Variants in BRD10 observed in about 807,000 individuals in gnomAD.
BRD10 encodes the protein bromodomain containing 10.
At chr9:5,912,246 T>A in the BRD10 span, among the ~76,000 whole-genome samples, 1 of 152,344 alleles carries the variant, frequency 6.6e-6, no homozygotes, top group East Asian at 1.9e-4. Flanking sequence ...TTTACTGAAT[T>A]TATCAGTTTG....
At chr9:6,002,572 G>C in the BRD10 span, among the ~76,000 whole-genome samples, 1 of 151,782 alleles carries the variant, frequency 6.6e-6, no homozygotes, top group Non-Finnish European at 1.5e-5. Flanking sequence ...AAGCCAGTAA[G>C]AATTCAAATT....
the BRD10 span, among the ~76,000 whole-genome samples, chr9:5,885,277 C>G: frequency 6.6e-6 from 1 of 152,262 alleles, no homozygotes; most frequent in Non-Finnish European, 1.5e-5. Flanking sequence ...CTGGGCACCC[C>G]CTCCGAACTG....
the BRD10 span, among the ~76,000 whole-genome samples, chr9:5,884,482 C>T: frequency 6.6e-6 from 1 of 152,180 alleles, no homozygotes; most frequent in African/African-American, 2.4e-5. Flanking sequence ...GGGCCCTGAG[C>T]CCTAAACCAC....
chr9:5,983,068 T>C, the BRD10 span, among the ~76,000 whole-genome samples: 3 of 152,220 alleles, frequency 2.0e-5, no homozygotes, highest in Non-Finnish European at 4.4e-5. Flanking sequence ...CTGTCCTGGC[T>C]GTGACTTCCT....
the BRD10 span, chr9:5,968,084 T>C: frequency 1.6e-4 from 244 of 1,562,528 alleles, 1 homozygote; most frequent in Non-Finnish European, 1.7e-4. Context: ...GATCTCAGGT[T>C]TGTAAGACTT....
At chr9:5,917,812 C>T in the BRD10 span, among the ~76,000 whole-genome samples, 1 of 152,148 alleles carries the variant, frequency 6.6e-6, no homozygotes, top group African/African-American at 2.4e-5. Context: ...GAGATAGCAC[C>T]ATGGCACTCC....
the BRD10 span, among the ~76,000 whole-genome samples, chr9:5,896,941 AG>A: frequency 2.0e-5 from 3 of 152,208 alleles, no homozygotes; most frequent in Non-Finnish European, 2.9e-5. Context: ...TAGGGAAGGG[AG>A]GGCACGAACA....
chr9:5,902,181 TAATA>T, the BRD10 span, among the ~76,000 whole-genome samples: 1 of 152,212 alleles, frequency 6.6e-6, no homozygotes, highest in African/African-American at 2.4e-5. Flanking sequence ...TCAATTTTTA[TAATA>T]GATATAAATC....
the BRD10 span, among the ~76,000 whole-genome samples, chr9:5,977,972 A>T: frequency 2.0e-5 from 3 of 152,268 alleles, no homozygotes; most frequent in Non-Finnish European, 4.4e-5. Context: ...CATGTTTCTA[A>T]AATACTAGCT....
chr9:5,958,955 T>C, the BRD10 span, among the ~76,000 whole-genome samples: 2 of 152,336 alleles, frequency 1.3e-5, no homozygotes, highest in East Asian at 1.9e-4. Flanking sequence ...CTATCTCAAG[T>C]AAGCAATTTG....
chr9:6,002,511 T>C, the BRD10 span, among the ~76,000 whole-genome samples: 1 of 152,170 alleles, frequency 6.6e-6, no homozygotes, highest in Non-Finnish European at 1.5e-5. Flanking sequence ...ATAAACATTT[T>C]GTTAAAATTT....
At chr9:5,921,874 G>C in the BRD10 span, 3 of 1,613,982 alleles carry the variant, frequency 1.9e-6, no homozygotes, top group Non-Finnish European at 2.5e-6. Context: ...CAGTGGTGTG[G>C]CCTAATGTAA....
chr9:5,937,049 G>A, the BRD10 span, among the ~76,000 whole-genome samples: 1 of 151,762 alleles, frequency 6.6e-6, no homozygotes, highest in African/African-American at 2.4e-5. Context: ...GGCAAATATA[G>A]TGAACCCCTG....
chr9:5,925,507 G>A, the BRD10 span, among the ~76,000 whole-genome samples: 1 of 151,926 alleles, frequency 6.6e-6, no homozygotes, highest in Non-Finnish European at 1.5e-5. Flanking sequence ...TAGCTGCACT[G>A]ACAGATTAGA....
At chr9:5,969,099 G>T in the BRD10 span, 4 of 1,613,570 alleles carry the variant, frequency 2.5e-6, no homozygotes, top group Middle Eastern at 1.6e-4. Flanking sequence ...TACCACTGTT[G>T]TACTTTCTGC....
the BRD10 span, among the ~76,000 whole-genome samples, chr9:5,940,970 A>G: frequency 6.6e-6 from 1 of 152,168 alleles, no homozygotes; most frequent in African/African-American, 2.4e-5. Context: ...TTCCTTATAA[A>G]TAACATAGTT....
chr9:5,917,717 G>T, the BRD10 span, among the ~76,000 whole-genome samples: 1 of 152,184 alleles, frequency 6.6e-6, no homozygotes, highest in African/African-American at 2.4e-5. Flanking sequence ...CTGGGCTATG[G>T]TGGTGCACAC....
the BRD10 span, among the ~76,000 whole-genome samples, chr9:5,930,562 T>C: frequency 2.0e-5 from 3 of 152,030 alleles, no homozygotes; most frequent in African/African-American, 7.2e-5. Context: ...AATTGCTTAC[T>C]AGAAGAGTAG....
At chr9:5,971,321 T>C in the BRD10 span, among the ~76,000 whole-genome samples, 1 of 152,126 alleles carries the variant, frequency 6.6e-6, no homozygotes, top group African/African-American at 2.4e-5. Flanking sequence ...GGCAGTATAA[T>C]TGCTTTTGAA....
Sources: gnomAD v4.1 joint callset for allele counts (sites outside exome capture counted in the v4.1 genomes callset) on GRCh38, gnomAD v4.1.1 for gene constraint, MANE v1.5 for transcripts, NCBI Gene and HGNC (gene_info 2026-07-23, HGNC 2026-07-21) for gene names.